Variants in CDON observed in about 807,000 individuals in gnomAD.
CDON encodes the protein cell adhesion associated, oncogene regulated.
In CDON, 73 loss-of-function variants were observed where a neutral mutation model predicts 120.9. The observed-to-expected ratio is 0.60, with a 90% CI of 0.50 to 0.73. CDON has a LOEUF of 0.73. Ranked by LOEUF, CDON falls within the 30% of genes least tolerant of loss-of-function variation. The probability of loss-of-function intolerance (pLI) is 0.00; values close to 1 mark genes in which losing one functional copy is unlikely to be tolerated. For missense variants in CDON, 1,470 were observed against 1,587.3 expected, an observed-to-expected ratio of 0.93 and a Z score of 1.26; for synonymous variants, 566 against 573.5, an observed-to-expected ratio of 0.99 and a Z score of 0.19.
chr11:125,997,189 A>ATTT lies in CDON; in HGVS notation c.2362+17_2362+18insAAA. The ATTT allele has an allele frequency of 6.4e-7, 1 of 1,562,000 alleles. No individual in the cohort carries two copies. The highest frequency in any genetic ancestry group is 8.8e-7 in the Non-Finnish European group (1 of 1,132,618). ...AAGTTCACATCGATGGTAAAAGGAA[A>ATTT]CGTTTGAATATTACTACCTGGTTCT... On this transcript the variant is annotated intron_variant, in intron 12 of 19. Coordinates refer to ENST00000531738, the MANE Select transcript of CDON (RefSeq NM_001378964.1).
At chr11:126,048,230 C>T (rs542967755) in intron 1 of CDON, among the ~76,000 whole-genome samples, 1 of 149,206 alleles carries the variant, frequency 6.7e-6, no homozygotes, top group East Asian at 2.0e-4. Flanking sequence ...TTGCAGTGAG[C>T]CGACATCGCA....
At chr11:125,988,812 C>G (rs552340514) in intron 15 of CDON, among the ~76,000 whole-genome samples, 4 of 152,298 alleles carry the variant, frequency 2.6e-5, no homozygotes, top group African/African-American at 9.6e-5. Flanking sequence ...TAATTCTAAA[C>G]TTTACTACAC....
chr11:126,003,312 AGT>A (rs1947010202), intron 10 of CDON, among the ~76,000 whole-genome samples: 1 of 152,164 alleles, frequency 6.6e-6, no homozygotes, highest in South Asian at 2.1e-4. Flanking sequence ...TTCTTATCAA[AGT>A]ATAAGCTCTG....
At chr11:126,027,864 G>A (rs1947835224) in intron 1 of CDON, among the ~76,000 whole-genome samples, 1 of 151,498 alleles carries the variant, frequency 6.6e-6, no homozygotes, top group African/African-American at 2.4e-5. Context: ...CTTAACCTCT[G>A]TTCTAGTGAA....
intron 17 of CDON, among the ~76,000 whole-genome samples, chr11:125,980,259 A>T (rs1023929993): frequency 3.3e-5 from 5 of 152,244 alleles, no homozygotes; most frequent in African/African-American, 1.2e-4. Context: ...TTCAAAAATT[A>T]AACGCTATCA....
chr11:125,981,970 C>T (rs11220300), intron 16 of CDON, among the ~76,000 whole-genome samples: 3,293 of 53,320 alleles, frequency 0.062, 111 homozygotes, highest in Admixed American at 0.11. Context: ...ATTCTATTTT[C>T]TTTTTTTTTT....
At chr11:126,046,566 C>A (rs1029195661) in intron 1 of CDON, among the ~76,000 whole-genome samples, 2 of 152,180 alleles carry the variant, frequency 1.3e-5, no homozygotes, top group Non-Finnish European at 2.9e-5. Flanking sequence ...ACTGTCACTG[C>A]TGAAGACAGA....
At chr11:126,026,416 C>T (rs1565538922) in intron 1 of CDON, among the ~76,000 whole-genome samples, 1 of 152,180 alleles carries the variant, frequency 6.6e-6, no homozygotes, top group Non-Finnish European at 1.5e-5. Flanking sequence ...ACATTAATGA[C>T]ATTTTAGAAA....
At position 126,006,093 on chromosome 11, in the gene CDON, C is replaced by G. The variant is rs533737176; in HGVS notation, c.1553-36G>C. 5 of 1,593,238 alleles carry G rather than the reference C, an allele frequency of 3.1e-6. No individual in the cohort carries two copies. In the South Asian group the frequency reaches 5.5e-5, roughly 18 times the overall value. On this transcript the variant is annotated intron_variant, in intron 8 of 19. Transcript: ENST00000531738. ...AGAGAGAGGAGACAGCTTGAAGATA[C>G]TCCTCATTTCATTGTCTTCTACCCA...
intron 1 of CDON, among the ~76,000 whole-genome samples, chr11:126,057,046 C>A (rs1948697190): frequency 6.6e-6 from 1 of 152,150 alleles, no homozygotes; most frequent in East Asian, 1.9e-4. Context: ...TTGAGGCTCC[C>A]TCCTAAAAAC....
chr11:126,025,892 A>G (rs908165958), intron 1 of CDON, among the ~76,000 whole-genome samples: 4 of 152,170 alleles, frequency 2.6e-5, no homozygotes, highest in Admixed American at 6.5e-5. Flanking sequence ...AAAACTAACA[A>G]TGTCCATGCC....
intron 1 of CDON, among the ~76,000 whole-genome samples, chr11:126,046,728 C>T (rs572341980): frequency 1.3e-4 from 20 of 152,208 alleles, no homozygotes; most frequent in African/African-American, 3.9e-4. Flanking sequence ...CTGTACTTAT[C>T]CTGGCCAGCT....
chr11:125,966,869 G>A (rs1945815088), intron 18 of CDON, among the ~76,000 whole-genome samples: 1 of 150,574 alleles, frequency 6.6e-6, no homozygotes, highest in Non-Finnish European at 1.5e-5. Flanking sequence ...GTCAATTAGA[G>A]GTTAAAAAAA....
At position 125,958,351 on chromosome 11, in the gene CDON, GT is replaced by G. The variant is rs1303623075; in HGVS notation, c.*2590del. Reference sequence around the variant, plus strand: ...TAGATGAGTTGTGGGGGTTAAATGAGTTAACAGTAACAAGCACCGAGCACAG... The same window carrying G: ...TAGATGAGTTGTGGGGGTTAAATGAGTAACAGTAACAAGCACCGAGCACAG... On this transcript the variant is annotated 3_prime_UTR_variant, in exon 20 of 20. Coordinates refer to ENST00000531738, the MANE Select transcript of CDON (RefSeq NM_001378964.1). The G allele has an allele frequency of 6.6e-6, 1 of 152,058 alleles. No homozygotes were observed. The highest frequency in any genetic ancestry group is 2.4e-5 in the African/African-American group (1 of 41,386). 9.4% of individuals were successfully genotyped at this position (152,058 alleles called of 1,614,324 possible).
chr11:126,002,486 C>T (rs1444116033), intron 10 of CDON, among the ~76,000 whole-genome samples: 5 of 152,168 alleles, frequency 3.3e-5, no homozygotes, highest in African/African-American at 7.2e-5. Context: ...ACCTCCTTTT[C>T]GTTACAGTGC....
At chr11:125,963,778 C>T (rs148078858) in intron 18 of CDON, among the ~76,000 whole-genome samples, 95 of 152,256 alleles carry the variant, frequency 6.2e-4, no homozygotes, top group African/African-American at 2.1e-3. Context: ...TTTTCTAATA[C>T]GACTCTGATT....
intron 4 of CDON, 34 bp from the exon 5 acceptor site, chr11:126,018,507 C>T (rs1428117235): frequency 5.0e-6 from 8 of 1,595,626 alleles, no homozygotes; most frequent in Non-Finnish European, 6.9e-6. Context: ...TAGGCCTCTC[C>T]CTTTATGAAG....
rs1404475524 is a variant in CDON at position 125,995,350 on chromosome 11, T to C, written c.2363-298A>G. ...TCTCAGGGAAGAAGCAGGTAGAGAA[T>C]AGGAAAGAGGACATTTGCTCTTTTC... On this transcript the variant is annotated intron_variant, in intron 12 of 19. Transcript: ENST00000531738. Among the ~76,000 whole-genome samples, 3 of 152,128 alleles carry C rather than the reference T, an allele frequency of 2.0e-5. No individual in the cohort carries two copies. The East Asian group carries it at 5.8e-4, about 29-fold the overall frequency.
chr11:125,987,314 T>A (rs938855106), intron 15 of CDON, among the ~76,000 whole-genome samples: 1 of 151,974 alleles, frequency 6.6e-6, no homozygotes. Context: ...AAAAGAAACA[T>A]CACAGCAGTC....
Sources: allele counts gnomAD v4.1 joint callset (sites outside exome capture counted in the v4.1 genomes callset), GRCh38; gene constraint gnomAD v4.1.1; transcripts MANE v1.5; gene names NCBI Gene and HGNC (gene_info 2026-07-23, HGNC 2026-07-21).